PPP5C: variants seen among roughly 807,000 people sequenced by gnomAD.
PPP5C encodes protein phosphatase 5 catalytic subunit, also known as serine/threonine-protein phosphatase 5.
A neutral mutation model predicts 66.7 loss-of-function variants in PPP5C; 21 were observed. That is an observed-to-expected ratio of 0.31 (90% CI 0.22 to 0.45). PPP5C has a LOEUF of 0.45. PPP5C is among the 20% of genes least tolerant of loss of function. The pLI is 1.00. For missense variants in PPP5C, 464 were observed against 675.9 expected, an observed-to-expected ratio of 0.69 and a Z score of 3.48; for synonymous variants, 246 against 257.4, an observed-to-expected ratio of 0.96 and a Z score of 0.43.
At chr19:46,365,039 G>A (rs1568568689) in intron 2 of PPP5C, among the ~76,000 whole-genome samples, 1 of 152,194 alleles carries the variant, frequency 6.6e-6, no homozygotes, top group Non-Finnish European at 1.5e-5. Flanking sequence ...CTGGGGTGCA[G>A]TGGCGCAATC....
chr19:46,383,332 A>C lies in PPP5C; in HGVS notation c.634-79A>C. 2 of 1,568,386 alleles carry C rather than the reference A, an allele frequency of 1.3e-6. No individual in the cohort carries two copies. Among genetic ancestry groups the C allele is most frequent in the Non-Finnish European group, 1.7e-6 (2 of 1,157,338 alleles). On this transcript the variant is annotated intron_variant, in intron 4 of 12. Coordinates refer to ENST00000012443, the MANE Select transcript of PPP5C (RefSeq NM_006247.4). The surrounding 1 kb of genome is among the most constrained non-coding windows in gnomAD (Gnocchi z 5.0). ...CTCGCCCTCAGCCCAGCAGCGTCTC[A>C]TGGGCAGTCCAGGCTTTCGGGGCCA...
Position 46,353,951 on chromosome 19 carries a change from C to T in PPP5C, c.325C>T (p.Leu109=), listed in dbSNP as rs1206660645. 1 of 1,609,770 alleles carries T rather than the reference C, an allele frequency of 6.2e-7. No homozygotes were observed. Among genetic ancestry groups the T allele is most frequent in the East Asian group, 2.2e-5 (1 of 44,672 alleles). The part of the protein sequence containing the change: ...YYRRAASNMA[L]GKFRAALRDY... ...CCGCCGGGCTGCCAGCAACATGGCA[C>T]TGGGCAAGTTCCGGGCCGCGCTGCG... The change falls in exon 2 of 13, where the codon CTG becomes TTG. Residue 109 remains leucine (L), a synonymous_variant. Transcript: ENST00000012443.
At chr19:46,363,019 C>T (rs1972419205) in intron 2 of PPP5C, among the ~76,000 whole-genome samples, 2 of 151,056 alleles carry the variant, frequency 1.3e-5, no homozygotes, top group African/African-American at 4.9e-5. Context: ...GATCTCCTGA[C>T]CTCGTGATCC....
At chr19:46,370,339 C>T (rs1972566253) in intron 2 of PPP5C, among the ~76,000 whole-genome samples, 1 of 152,026 alleles carries the variant, frequency 6.6e-6, no homozygotes, top group African/African-American at 2.4e-5. Context: ...TTGTTAAAAA[C>T]GAAGACACAA....
At chr19:46,359,486 T>TA (rs1422708826) in intron 2 of PPP5C, among the ~76,000 whole-genome samples, 1 of 152,132 alleles carries the variant, frequency 6.6e-6, no homozygotes, top group African/African-American at 2.4e-5. Context: ...TTTGGGGACT[T>TA]ACTGTAGCCA....
intron 4 of PPP5C, chr19:46,382,441 T>C (rs1262969850): frequency 2.0e-5 from 3 of 152,230 alleles, no homozygotes; most frequent in Admixed American, 6.5e-5. Context: ...CTTTTCTACC[T>C]TCTGACTAGA....
chr19:46,387,738 G>A (rs1337475789), intron 9 of PPP5C: 1 of 1,355,370 alleles, frequency 7.4e-7, no homozygotes, highest in Non-Finnish European at 9.6e-7. Flanking sequence ...TGGAAGGAGG[G>A]GAGGTCTTGG....
chr19:46,348,081 C>T (rs1359130436), intron 1 of PPP5C, among the ~76,000 whole-genome samples: 1 of 151,972 alleles, frequency 6.6e-6, no homozygotes, highest in African/African-American at 2.4e-5. Flanking sequence ...GGGGGAAGGC[C>T]TTACTGAGCA....
In PPP5C at chr19:46,388,100, G is replaced by T; in HGVS notation, c.1136-308G>T. 1 of 380,738 alleles carries T rather than the reference G, an allele frequency of 2.6e-6. No homozygotes were observed. The highest frequency in any genetic ancestry group is 4.3e-5 in the East Asian group (1 of 23,368). 23.6% of individuals were successfully genotyped at this position (380,738 alleles called of 1,614,324 possible). A position where few individuals can be genotyped will look rare whatever the true frequency, so the allele number is the denominator to read the frequency against. ...TGAGGAACTTTGTTCCTAGGGCAGTGCGGAGCCACCAAAGGCTTTGAGTGG... is the reference window on the plus strand; with the variant it reads ...TGAGGAACTTTGTTCCTAGGGCAGTTCGGAGCCACCAAAGGCTTTGAGTGG... On this transcript the variant is annotated intron_variant, in intron 9 of 12. Transcript: ENST00000012443. The surrounding 1 kb of genome is among the most constrained non-coding windows in gnomAD (Gnocchi z 4.9).
At chr19:46,390,235 A>AG (rs764665340) in intron 12 of PPP5C, 49 bp from the exon 13 acceptor site, 118 of 1,600,346 alleles carry the variant, frequency 7.4e-5, no homozygotes, top group Non-Finnish European at 9.2e-5. Flanking sequence ...GTGGGTGCTC[A>AG]GGGGCTCTGT....
chr19:46,388,027 A>C lies in PPP5C; in HGVS notation c.1136-381A>C. On this transcript the variant is annotated intron_variant, in intron 9 of 12. Transcript: ENST00000012443. This position sits in a 1 kb window ranked among gnomAD's most constrained non-coding sequence, Gnocchi z 4.9. The stretch of plus-strand genomic sequence containing the variant: ...GCTGTGCTTTGAGGGCTGACATTGG[A>C]CATGGGGTTCACTGGGCCCAAATCC... 3.6e-6 allele frequency: 1 copy of C among 278,562 alleles called. No individual in the cohort carries two copies. The allele number at this position is 278,562 out of a possible 1,614,324, so 17.3% of individuals were successfully genotyped here. A position where few individuals can be genotyped will look rare whatever the true frequency, so the allele number is the denominator to read the frequency against.
chr19:46,363,328 A>AC (rs1568568001), intron 2 of PPP5C, among the ~76,000 whole-genome samples: 1 of 133,300 alleles, frequency 7.5e-6, no homozygotes, highest in South Asian at 2.6e-4. Flanking sequence ...AAAAAAAAAA[A>AC]AAAAAAAAAA....
chr19:46,367,185 G>C (rs191759007), intron 2 of PPP5C, among the ~76,000 whole-genome samples: 1 of 152,348 alleles, frequency 6.6e-6, no homozygotes, highest in Admixed American at 6.5e-5. Context: ...AATTCTGACA[G>C]AAGGTTTAAA....
intron 6 of PPP5C, 40 bp from the exon 7 acceptor site, chr19:46,384,764 C>CGGGG: frequency 4.0e-5 from 48 of 1,191,994 alleles, no homozygotes; most frequent in Non-Finnish European, 5.3e-5. Context: ...GCACCGCACC[C>CGGGG]TTCCCCTCCA....
In PPP5C at chr19:46,388,864, C is replaced by A; in HGVS notation, c.1355+133C>A. 2 of 1,109,632 alleles carry A rather than the reference C, an allele frequency of 1.8e-6. No homozygotes were observed. Among genetic ancestry groups the A allele is most frequent in the East Asian group, 2.5e-5 (1 of 40,290 alleles). 68.7% of individuals were successfully genotyped at this position (1,109,632 alleles called of 1,614,324 possible). A position where few individuals can be genotyped will look rare whatever the true frequency, so the allele number is the denominator to read the frequency against. Reference sequence around the variant, plus strand: ...GATAAAAGAACATGACGAACACCCCCGTATGTGTCACCCACCCATGCAGCA... The same window carrying A: ...GATAAAAGAACATGACGAACACCCCAGTATGTGTCACCCACCCATGCAGCA... On this transcript the variant is annotated intron_variant, in intron 11 of 12. Transcript: ENST00000012443. This position sits in a 1 kb window ranked among gnomAD's most constrained non-coding sequence, Gnocchi z 4.9.
In PPP5C at chr19:46,364,033, C is replaced by T. The variant is rs371234777; in HGVS notation, c.363+10044C>T. On this transcript the variant is annotated intron_variant, in intron 2 of 12. Coordinates refer to ENST00000012443, the MANE Select transcript of PPP5C (RefSeq NM_006247.4). Reference sequence around the variant, plus strand: ...GGACAGACAGCGGTACATCAAAGAACAGGACTTAGAGGAGCCAGTCAAGGA... The same window carrying T: ...GGACAGACAGCGGTACATCAAAGAATAGGACTTAGAGGAGCCAGTCAAGGA... Among the ~76,000 whole-genome samples, 7 of 152,212 alleles carry T rather than the reference C, an allele frequency of 4.6e-5. No individual in the cohort carries two copies. The South Asian group carries it at 6.2e-4, about 14-fold the overall frequency.
At chr19:46,371,935 A>G (rs1283961920) in intron 2 of PPP5C, among the ~76,000 whole-genome samples, 9 of 152,122 alleles carry the variant, frequency 5.9e-5, no homozygotes, top group African/African-American at 9.7e-5. Context: ...ATGCTGCTCT[A>G]TAATCCCTCA....
chr19:46,370,513 G>C (rs1011653940), intron 2 of PPP5C, among the ~76,000 whole-genome samples: 2 of 152,172 alleles, frequency 1.3e-5, no homozygotes, highest in Non-Finnish European at 2.9e-5. Context: ...CCTGCGTGAG[G>C]CCCTTGAGAA....
intron 2 of PPP5C, among the ~76,000 whole-genome samples, chr19:46,367,656 T>C (rs1972513226): frequency 6.6e-6 from 1 of 152,166 alleles, no homozygotes. Flanking sequence ...CCCTGGTTGC[T>C]CCTCTCTGCA....
Sources: allele counts gnomAD v4.1 joint callset (sites outside exome capture counted in the v4.1 genomes callset), GRCh38; gene constraint gnomAD v4.1.1; non-coding constraint Gnocchi (gnomAD v3.1); transcripts MANE v1.5; gene names NCBI Gene and HGNC (gene_info 2026-07-23, HGNC 2026-07-21).